The following PLCG2 variants were observed in gnomAD, a reference collection of about 807,000 sequenced individuals.
The protein encoded by PLCG2 is phospholipase C gamma 2.
Under a neutral mutation model 175.6 loss-of-function variants are expected in PLCG2, and 69 were observed. That is an observed-to-expected ratio of 0.39 (90% CI 0.32 to 0.48). The LOEUF (loss-of-function observed/expected upper bound fraction) is 0.48, where lower values mean the gene tolerates loss of function less well. PLCG2 is among the 20% of genes least tolerant of loss of function. The pLI is 0.91. For missense variants in PLCG2, 1,798 were observed against 1,650.9 expected (o/e 1.09, Z -1.54); for synonymous variants, 827 against 624.0 (o/e 1.33, Z -4.85).
At chr16:81,907,893 T>G (rs777277035) in intron 16 of PLCG2, 119 bp downstream of exon 16, 21 of 667,386 alleles carry the variant, frequency 3.1e-5, no homozygotes, top group Non-Finnish European at 4.7e-5. Flanking sequence ...GATGCTCCGC[T>G]GAAGAAGCTG....
chr16:81,929,774 G>T (rs572800302), intron 24 of PLCG2, among the ~76,000 whole-genome samples: 5 of 152,204 alleles, frequency 3.3e-5, no homozygotes, highest in African/African-American at 9.7e-5. Context: ...TCTTTGCTCC[G>T]ATTACCAGAT....
chr16:81,921,043 C>G (rs77348883), intron 20 of PLCG2, among the ~76,000 whole-genome samples, 155 bp from the exon 21 acceptor site: 16 of 152,274 alleles, frequency 1.1e-4, no homozygotes, highest in African/African-American at 3.9e-4. Context: ...TAGCTTCTTC[C>G]TGTGTCTACT....
chr16:81,869,030 C>G (rs1907382920), intron 5 of PLCG2, among the ~76,000 whole-genome samples, 184 bp from the exon 6 acceptor site: 1 of 152,258 alleles, frequency 6.6e-6, no homozygotes, highest in African/African-American at 2.4e-5. Context: ...TTGCTTGAGC[C>G]TTGCTCATTG....
At chr16:81,868,884 T>C (rs79124095) in intron 5 of PLCG2, among the ~76,000 whole-genome samples, 3,450 of 152,202 alleles carry the variant, frequency 0.023, 67 homozygotes, top group Middle Eastern at 0.054. Context: ...TGCCTCCTCA[T>C]TGGGGCATCA....
chr16:81,863,023 G>C (rs1262182798), intron 5 of PLCG2, among the ~76,000 whole-genome samples: 1 of 152,156 alleles, frequency 6.6e-6, no homozygotes, highest in Non-Finnish European at 1.5e-5. Context: ...GTTAAAATTT[G>C]TTTTATTGTG....
chr16:81,920,590 G>A (rs1050763507), intron 20 of PLCG2, among the ~76,000 whole-genome samples: 1 of 152,140 alleles, frequency 6.6e-6, no homozygotes, highest in African/African-American at 2.4e-5. Flanking sequence ...TGGGATCTGG[G>A]GAGAAGTGAA....
chr16:81,741,095 C>T (rs570400060), intron 1 of PLCG2, among the ~76,000 whole-genome samples: 11 of 152,332 alleles, frequency 7.2e-5, no homozygotes, highest in Non-Finnish European at 1.5e-4. Flanking sequence ...TTTTGATCCA[C>T]CTGCTGCCCC....
Position 81,822,621 on chromosome 16 carries a change from G to A in PLCG2, c.194-31823G>A, listed in dbSNP as rs547457084. On this transcript the variant is annotated intron_variant, in intron 2 of 32. Transcript: ENST00000564138. ...AAAGTGCAAAAATTAACTGGGCATG[G>A]TGGCGTGTACCTGTAATCCCAGCTA... 2.8e-3 allele frequency among the ~76,000 whole-genome samples: 424 copies of A among 152,138 alleles called. 1 individual carries two copies. Among genetic ancestry groups the A allele is most frequent in the Non-Finnish European group, 4.4e-3 (299 of 67,982 alleles).
chr16:81,854,363 G>A, intron 2 of PLCG2, 81 bp from the exon 3 acceptor site: 1 of 1,306,444 alleles, frequency 7.7e-7, no homozygotes. Context: ...GCCAGGCTGT[G>A]CCTGGGCTGC....
Position 81,921,193 on chromosome 16 carries a change from T to C in PLCG2, c.2236-5T>C, listed in dbSNP as rs1362792226. 5.8e-6 allele frequency: 9 copies of C among 1,554,636 alleles called. No individual in the cohort carries two copies. In the African/African-American group the frequency reaches 6.8e-5, roughly 12 times the overall value. ...TTCCATTTCTTTCTTTCTTTTTTTT[T>C]CCAGGAAAGAGATATAAACTCCCTC... On this transcript the variant is annotated splice_polypyrimidine_tract_variant and splice_region_variant and intron_variant, in intron 20 of 32. Coordinates refer to ENST00000564138, the MANE Select transcript of PLCG2 (RefSeq NM_002661.5).
At chr16:81,776,195 A>G (rs545650936), upstream of PLCG2, among the ~76,000 whole-genome samples, 2 of 146,974 alleles carry the variant, frequency 1.4e-5, no homozygotes, top group Non-Finnish European at 3.0e-5. Context: ...TGCAAGCTCC[A>G]CCTCCTGGGT....
At chr16:81,893,662 C>A in intron 11 of PLCG2, 47 bp from the exon 12 acceptor site, 1 of 1,178,394 alleles carries the variant, frequency 8.5e-7, no homozygotes, top group Non-Finnish European at 1.3e-6. Context: ...GCCCCCCAAC[C>A]CCTGTGGCTG....
upstream of PLCG2, among the ~76,000 whole-genome samples, chr16:81,778,595 A>G (rs188641980): frequency 4.5e-4 from 69 of 152,252 alleles, 1 homozygote; most frequent in South Asian, 2.7e-3. Context: ...CGGGACATCA[A>G]TTGTCTGGGG....
At position 81,834,231 on chromosome 16, in the gene PLCG2, C is replaced by G. The variant is rs188425155; in HGVS notation, c.194-20213C>G. Among the ~76,000 whole-genome samples the G allele has an allele frequency of 3.3e-3, 496 of 152,284 alleles. 1 individual carries two copies. The highest frequency in any genetic ancestry group is 5.8e-3 in the Non-Finnish European group (393 of 68,026). ...GATTAAAGAGATGTTGAGGTCAACT[C>G]TGACACCTATTAAATGTTCAGTAAG... On this transcript the variant is annotated intron_variant, in intron 2 of 32. Coordinates refer to ENST00000564138, the MANE Select transcript of PLCG2 (RefSeq NM_002661.5).
At chr16:81,918,926 T>C (rs142340436) in intron 19 of PLCG2, among the ~76,000 whole-genome samples, 214 of 152,288 alleles carry the variant, frequency 1.4e-3, no homozygotes, top group African/African-American at 4.8e-3. Flanking sequence ...AGTCACTGTT[T>C]TGCTAGTTGA....
At chr16:81,839,579 T>G (rs1170625463) in intron 2 of PLCG2, among the ~76,000 whole-genome samples, 3 of 152,196 alleles carry the variant, frequency 2.0e-5, no homozygotes, top group African/African-American at 7.2e-5. Context: ...TTCACTATTT[T>G]TAAACTTAAT....
At chr16:81,883,026 G>T (rs962452202) in intron 8 of PLCG2, among the ~76,000 whole-genome samples, 17 of 152,142 alleles carry the variant, frequency 1.1e-4, no homozygotes, top group Non-Finnish European at 2.4e-4. Flanking sequence ...TTTTGGAGCA[G>T]CTAAATGTAG....
At chr16:81,749,780 T>G (rs1029826042) in intron 1 of PLCG2, among the ~76,000 whole-genome samples, 1 of 152,194 alleles carries the variant, frequency 6.6e-6, no homozygotes, top group East Asian at 1.9e-4. Flanking sequence ...AGCAAATGAT[T>G]TATCTTTCCC....
At chr16:81,778,016 C>CAAAAAAAAAAAAAAAAAAAA (rs753644088), upstream of PLCG2, among the ~76,000 whole-genome samples, 2 of 49,082 alleles carry the variant, frequency 4.1e-5, no homozygotes, top group Non-Finnish European at 7.1e-5. Flanking sequence ...GACTTTGTCT[C>CAAAAAAAAAAAAAAAAAAAA]AAAAAAAAAA....
Sources: gnomAD v4.1 joint callset for allele counts (sites outside exome capture counted in the v4.1 genomes callset) on GRCh38, gnomAD v4.1.1 for gene constraint, MANE v1.5 for transcripts, NCBI Gene and HGNC (gene_info 2026-07-23, HGNC 2026-07-21) for gene names.